CCSER1: variants seen among roughly 807,000 people sequenced by gnomAD.
CCSER1 encodes the protein coiled-coil serine rich protein 1.
In CCSER1, 41 loss-of-function variants were observed where a neutral mutation model predicts 82.0. That is an observed-to-expected ratio of 0.50 (90% CI 0.39 to 0.65). The LOEUF (loss-of-function observed/expected upper bound fraction) is 0.65, where lower values mean the gene tolerates loss of function less well. CCSER1 is among the 30% of genes least tolerant of loss of function. The probability of loss-of-function intolerance (pLI) is 0.00; values close to 1 mark genes in which losing one functional copy is unlikely to be tolerated. For synonymous variants in CCSER1, 414 were observed against 383.9 expected, an observed-to-expected ratio of 1.08 and a Z score of -0.92; for missense variants, 1,119 against 1,064.2, an observed-to-expected ratio of 1.05 and a Z score of -0.72.
chr4:90,165,961 G>A (rs1478872335), intron 1 of CCSER1, among the ~76,000 whole-genome samples: 2 of 151,954 alleles, frequency 1.3e-5, no homozygotes, highest in Non-Finnish European at 2.9e-5. Context: ...TGGAATTTAA[G>A]AATAGAAGTT....
At chr4:90,435,562 G>A (rs533726307) in intron 4 of CCSER1, among the ~76,000 whole-genome samples, 19 of 152,024 alleles carry the variant, frequency 1.2e-4, no homozygotes, top group Non-Finnish European at 2.2e-4. Flanking sequence ...TAATATTCTC[G>A]TAACTTACCA....
At chr4:90,837,979 T>C (rs62311115) in intron 8 of CCSER1, among the ~76,000 whole-genome samples, 36,435 of 152,028 alleles carry the variant, frequency 0.24, 5,270 homozygotes, top group South Asian at 0.32. Context: ...AGAAATTGCA[T>C]ATTAAAATGC....
chr4:91,332,372 A>C (rs1324642084), intron 10 of CCSER1, among the ~76,000 whole-genome samples: 1 of 151,856 alleles, frequency 6.6e-6, no homozygotes, highest in Non-Finnish European at 1.5e-5. Flanking sequence ...AAATAGATCA[A>C]AGTGGAGAAA....
intron 1 of CCSER1, among the ~76,000 whole-genome samples, chr4:90,279,540 A>G (rs1728515710): frequency 6.6e-6 from 1 of 152,060 alleles, no homozygotes; most frequent in African/African-American, 2.4e-5. Context: ...GATTTAGTGT[A>G]CTACCTCTGG....
At chr4:90,907,707 A>T (rs1392642544) in intron 8 of CCSER1, among the ~76,000 whole-genome samples, 2 of 151,972 alleles carry the variant, frequency 1.3e-5, no homozygotes, top group African/African-American at 2.4e-5. Context: ...CCGTTGTTTA[A>T]TATCCTCACT....
At chr4:90,685,160 T>G (rs1355486577) in intron 6 of CCSER1, among the ~76,000 whole-genome samples, 1 of 152,138 alleles carries the variant, frequency 6.6e-6, no homozygotes, top group Non-Finnish European at 1.5e-5. Context: ...TATAACAATC[T>G]GTGGCTAGTC....
intron 1 of CCSER1, among the ~76,000 whole-genome samples, chr4:90,143,692 T>C (rs1725263086): frequency 6.6e-6 from 1 of 151,710 alleles, no homozygotes; most frequent in African/African-American, 2.4e-5. Flanking sequence ...TACTTTTTTT[T>C]TTTTTTTTCT....
chr4:90,354,054 C>T (rs1453549654), intron 3 of CCSER1, among the ~76,000 whole-genome samples: 1 of 151,960 alleles, frequency 6.6e-6, no homozygotes, highest in African/African-American at 2.4e-5. Flanking sequence ...ATATGTGCAC[C>T]AATGGATAAA....
At chr4:91,376,865 A>G (rs901973064) in intron 10 of CCSER1, among the ~76,000 whole-genome samples, 3 of 151,424 alleles carry the variant, frequency 2.0e-5, no homozygotes, top group African/African-American at 7.3e-5. Context: ...CCATTAACTC[A>G]TCATTTACAT....
At chr4:90,854,242 G>C (rs1447421084) in intron 8 of CCSER1, among the ~76,000 whole-genome samples, 1 of 152,128 alleles carries the variant, frequency 6.6e-6, no homozygotes, top group Non-Finnish European at 1.5e-5. Flanking sequence ...TGAGGAAAGG[G>C]TAGTCTTTAG....
intron 9 of CCSER1, among the ~76,000 whole-genome samples, chr4:90,991,861 A>G (rs984381418): frequency 6.6e-6 from 1 of 151,982 alleles, no homozygotes; most frequent in Non-Finnish European, 1.5e-5. Context: ...GATTGTTATC[A>G]CTTATTTACC....
chr4:91,039,701 GTA>G (rs1276408827), intron 9 of CCSER1, among the ~76,000 whole-genome samples: 3 of 122,876 alleles, frequency 2.4e-5, no homozygotes, highest in Non-Finnish European at 5.5e-5. Flanking sequence ...TCTAAAATGT[GTA>G]TATATATGAG....
intron 5 of CCSER1, among the ~76,000 whole-genome samples, chr4:90,557,144 T>C (rs547915973): frequency 3.0e-4 from 46 of 152,148 alleles, no homozygotes; most frequent in African/African-American, 7.7e-4. Context: ...CATAGAGATA[T>C]ACTAAAAGTT....
intron 1 of CCSER1, among the ~76,000 whole-genome samples, chr4:90,273,412 T>C (rs192036814): frequency 1.1e-3 from 168 of 152,306 alleles, no homozygotes; most frequent in Middle Eastern, 3.4e-3. Context: ...GATAGATACC[T>C]CATTTGCCCT....
At chr4:91,122,407 G>A (rs1397483484) in intron 10 of CCSER1, among the ~76,000 whole-genome samples, 2 of 151,624 alleles carry the variant, frequency 1.3e-5, no homozygotes, top group African/African-American at 2.4e-5. Context: ...ACATGTTTCA[G>A]CAACTTGACA....
rs879424346 is a variant in CCSER1 at position 91,554,457 on chromosome 4, C to CA, written c.2218-44108dup. Among the ~76,000 whole-genome samples, 6 of 150,698 alleles carry CA rather than the reference C, an allele frequency of 4.0e-5. No individual in the cohort carries two copies. In the East Asian group the frequency reaches 1.2e-3, roughly 29 times the overall value. ...TGAAATGACCACATACACAATAGCA[C>CA]AAAAAAATCTTAAGAACTTGGAATA... On this transcript the variant is annotated intron_variant, in intron 10 of 10. Coordinates refer to ENST00000509176, the MANE Select transcript of CCSER1 (RefSeq NM_001145065.2).
intron 10 of CCSER1, among the ~76,000 whole-genome samples, chr4:91,581,425 G>C (rs937298868): frequency 6.6e-6 from 1 of 151,640 alleles, no homozygotes; most frequent in African/African-American, 2.4e-5. Flanking sequence ...CATGCTTCAG[G>C]TGCAGCCCAA....
At chr4:90,753,026 G>A (rs536531156) in intron 7 of CCSER1, among the ~76,000 whole-genome samples, 1 of 152,068 alleles carries the variant, frequency 6.6e-6, no homozygotes, top group Non-Finnish European at 1.5e-5. Context: ...GGACCAAAAG[G>A]CAGATTAACA....
At chr4:90,959,245 A>G (rs1733818101) in intron 9 of CCSER1, among the ~76,000 whole-genome samples, 2 of 152,230 alleles carry the variant, frequency 1.3e-5, no homozygotes, top group East Asian at 1.9e-4. Context: ...CTGGAAGAAC[A>G]TGCAGTATTC....
Sources: allele counts gnomAD v4.1 joint callset (sites outside exome capture counted in the v4.1 genomes callset), GRCh38; gene constraint gnomAD v4.1.1; transcripts MANE v1.5; gene names NCBI Gene and HGNC (gene_info 2026-07-23, HGNC 2026-07-21).